Variants in MBD5 observed in about 807,000 individuals in gnomAD.
The protein encoded by MBD5 is methyl-CpG-binding domain protein 5.
A neutral mutation model predicts 117.3 loss-of-function variants in MBD5; 13 were observed. The observed-to-expected ratio is 0.11, with a 90% CI of 0.07 to 0.18. The LOEUF (loss-of-function observed/expected upper bound fraction) is 0.18, where lower values mean the gene tolerates loss of function less well. Among genes scored for constraint, MBD5 ranks in the 10% least tolerant of loss-of-function variants. MBD5 has a pLI of 1.00. For missense variants in MBD5, 1,879 were observed against 2,093.8 expected (o/e 0.90, Z 2.00); for synonymous variants, 727 against 766.4 (o/e 0.95, Z 0.85).
chr2:148,345,222 A>ACACACACACAAG (rs2105176621), intron 4 of MBD5, among the ~76,000 whole-genome samples: 1 of 79,552 alleles, frequency 1.3e-5, no homozygotes, highest in Non-Finnish European at 2.6e-5. Flanking sequence ...ATATATACAC[A>ACACACACACAAG]CACACATATA....
At position 148,218,672 on chromosome 2, in the gene MBD5, C is replaced by T. The variant is rs894680007; in HGVS notation, c.-830-14573C>T. Among the ~76,000 whole-genome samples the T allele has an allele frequency of 2.0e-5, 3 of 152,116 alleles. No homozygotes were observed. The South Asian group carries it at 6.2e-4, about 31-fold the overall frequency. On this transcript the variant is annotated intron_variant, in intron 2 of 13. Coordinates refer to ENST00000642680, the MANE Select transcript of MBD5 (RefSeq NM_001378120.1). Reference sequence around the variant, plus strand: ...ACGCTATAGGGTATAGCCTATTGCTCCTAGGTTACAAACCTGTGCAGCATA... The same window carrying T: ...ACGCTATAGGGTATAGCCTATTGCTTCTAGGTTACAAACCTGTGCAGCATA...
At chr2:148,244,340 A>G (rs1171907863) in intron 3 of MBD5, 3 of 152,126 alleles carry the variant, frequency 2.0e-5, no homozygotes, top group African/African-American at 7.2e-5. Flanking sequence ...TACTATTACT[A>G]TTATTTTTAC....
chr2:148,477,223 TC>T (rs1680996285), intron 8 of MBD5, among the ~76,000 whole-genome samples: 2 of 152,088 alleles, frequency 1.3e-5, no homozygotes, highest in Admixed American at 1.3e-4. Flanking sequence ...GACATCATAT[TC>T]CAAGATTCAA....
chr2:148,051,072 T>G (rs1480326343), intron 1 of MBD5, among the ~76,000 whole-genome samples: 1 of 152,166 alleles, frequency 6.6e-6, no homozygotes, highest in African/African-American at 2.4e-5. Context: ...GTCTTTTCAT[T>G]TCTGTACATT....
intron 1 of MBD5, among the ~76,000 whole-genome samples, chr2:148,147,601 C>A (rs1430347509): frequency 6.6e-6 from 1 of 152,056 alleles, no homozygotes; most frequent in Non-Finnish European, 1.5e-5. Context: ...GACCCCCTCC[C>A]CTCAGTTTGT....
In MBD5 at chr2:148,469,753, A is replaced by G. The variant is rs1212940882; in HGVS notation, c.1810A>G (p.Asn604Asp). The G allele has an allele frequency of 6.2e-7, 1 of 1,614,012 alleles. No individual in the cohort carries two copies. Among genetic ancestry groups the G allele is most frequent in the Non-Finnish European group, 8.5e-7 (1 of 1,179,900 alleles). The change falls in exon 8 of 14, where the codon AAT becomes GAT. Residue 604 changes from asparagine (N) to aspartate (D), a missense_variant. Physicochemically the swap from Asn to Asp is conservative, Grantham distance 23. Coordinates refer to ENST00000642680, the MANE Select transcript of MBD5 (RefSeq NM_001378120.1). Reference sequence around the variant, plus strand: ...TGGTAACAACAGTAGCAGCAGTAGCAATTCTGGAGCTGTTGCCGGCAGTGG... The same window carrying G: ...TGGTAACAACAGTAGCAGCAGTAGCGATTCTGGAGCTGTTGCCGGCAGTGG... ...LAGNNSSSSSNSGAVAGSGNT... is the reference protein window; with the variant it reads ...LAGNNSSSSSDSGAVAGSGNT...
At chr2:148,340,339 T>G (rs973210195) in intron 3 of MBD5, among the ~76,000 whole-genome samples, 2 of 152,152 alleles carry the variant, frequency 1.3e-5, no homozygotes, top group Non-Finnish European at 2.9e-5. Flanking sequence ...TCTGAAATTT[T>G]TTATTGTTAA....
Position 148,286,172 on chromosome 2 carries a change from T to A in MBD5, c.-680+52777T>A, listed in dbSNP as rs1201871190. 2.6e-5 allele frequency among the ~76,000 whole-genome samples: 4 copies of A among 152,224 alleles called. No homozygotes were observed. In the East Asian group the frequency reaches 5.8e-4, roughly 22 times the overall value. ...TGGATTATTTGTCGTAAAGCTTTTT[T>A]TCCGTTTTAATACATGAACATATTT... is the stretch of plus-strand genomic sequence containing the variant. On this transcript the variant is annotated intron_variant, in intron 3 of 13. Transcript: ENST00000642680.
At chr2:148,392,765 G>T (rs1219093765) in intron 4 of MBD5, among the ~76,000 whole-genome samples, 1 of 152,084 alleles carries the variant, frequency 6.6e-6, no homozygotes, top group Admixed American at 6.5e-5. Flanking sequence ...CCTGTTACTG[G>T]CCTGTGCTTG....
At chr2:148,477,477 A>C (rs1046333420) in intron 8 of MBD5, among the ~76,000 whole-genome samples, 5 of 152,160 alleles carry the variant, frequency 3.3e-5, no homozygotes, top group Admixed American at 2.0e-4. Context: ...GAGCACAAAG[A>C]TAGAGATTTG....
chr2:148,458,950 T>C, intron 5 of MBD5, 79 bp downstream of exon 5: 2 of 1,076,180 alleles, frequency 1.9e-6, no homozygotes, highest in Middle Eastern at 2.1e-4. Context: ...TGGTGACTGA[T>C]GGCACCTCAT....
chr2:148,286,566 T>C (rs973050767), intron 3 of MBD5, among the ~76,000 whole-genome samples: 4 of 152,194 alleles, frequency 2.6e-5, no homozygotes, highest in Non-Finnish European at 4.4e-5. Context: ...ATGATGGACA[T>C]TGCTTTCTTT....
At chr2:148,487,037 T>A (rs975802161) in intron 10 of MBD5, among the ~76,000 whole-genome samples, 1 of 152,178 alleles carries the variant, frequency 6.6e-6, no homozygotes, top group Non-Finnish European at 1.5e-5. Flanking sequence ...TATGAACCAC[T>A]CCATCAGTAG....
At chr2:148,175,068 G>C (rs932156464) in intron 1 of MBD5, among the ~76,000 whole-genome samples, 9 of 152,104 alleles carry the variant, frequency 5.9e-5, no homozygotes, top group African/African-American at 2.2e-4. Context: ...TGGATAAAAA[G>C]TAGAGTATGG....
intron 2 of MBD5, among the ~76,000 whole-genome samples, chr2:148,203,252 A>G (rs977894014): frequency 1.1e-4 from 16 of 152,256 alleles, no homozygotes; most frequent in Admixed American, 1.3e-4. Flanking sequence ...TACATGCAAC[A>G]AAGAAGATGC....
intron 4 of MBD5, among the ~76,000 whole-genome samples, chr2:148,398,247 T>G (rs1486936801): frequency 6.6e-6 from 1 of 152,214 alleles, no homozygotes; most frequent in Admixed American, 6.5e-5. Flanking sequence ...CCACAATGGT[T>G]GAACTAGTTT....
intron 4 of MBD5, among the ~76,000 whole-genome samples, chr2:148,417,147 G>A (rs1018883396): frequency 2.6e-5 from 4 of 152,106 alleles, no homozygotes; most frequent in Non-Finnish European, 5.9e-5. Context: ...TTTTTAGACA[G>A]GATCTCACTC....
At chr2:148,234,022 C>T (rs1045021120) in intron 3 of MBD5, among the ~76,000 whole-genome samples, 1 of 152,048 alleles carries the variant, frequency 6.6e-6, no homozygotes, top group Admixed American at 6.6e-5. Context: ...ACCACAATGC[C>T]ACCTTCAAAT....
intron 2 of MBD5, among the ~76,000 whole-genome samples, chr2:148,198,479 TATC>T (rs1699051348): frequency 6.6e-6 from 1 of 152,144 alleles, no homozygotes; most frequent in South Asian, 2.1e-4. Flanking sequence ...TATATTATGA[TATC>T]ATAATATATA....
Sources: gnomAD v4.1 joint callset for allele counts (sites outside exome capture counted in the v4.1 genomes callset) on GRCh38, gnomAD v4.1.1 for gene constraint, MANE v1.5 for transcripts, NCBI Gene and HGNC (gene_info 2026-07-23, HGNC 2026-07-21) for gene names.